MED12L: variants seen among roughly 807,000 people sequenced by gnomAD.
MED12L encodes the protein mediator of RNA polymerase II transcription subunit 12-like protein.
A neutral mutation model predicts 281.3 loss-of-function variants in MED12L; 60 were observed. The ratio of observed to expected loss-of-function variants is 0.21; its 90% CI spans 0.17 to 0.26. The LOEUF (loss-of-function observed/expected upper bound fraction) is 0.26, where lower values mean the gene tolerates loss of function less well. MED12L is among the 10% of genes least tolerant of loss of function. The pLI, the probability that MED12L is intolerant of heterozygous loss-of-function variation, is 1.00. For synonymous variants in MED12L, 974 were observed against 987.2 expected (o/e 0.99, Z 0.25); for missense variants, 2,146 against 2,680.9 (o/e 0.80, Z 4.41).
At chr3:151,166,455 A>G (rs897977318) in intron 11 of MED12L, among the ~76,000 whole-genome samples, 4 of 152,146 alleles carry the variant, frequency 2.6e-5, no homozygotes, top group Non-Finnish European at 4.4e-5. Flanking sequence ...GTGTATGTAT[A>G]TATATGTGTA....
intron 43 of MED12L, among the ~76,000 whole-genome samples, chr3:151,427,220 AC>A (rs1233480996): frequency 6.6e-6 from 1 of 152,226 alleles, no homozygotes; most frequent in Non-Finnish European, 1.5e-5. Context: ...GCTGTAATGT[AC>A]GTGCATGAGA....
intron 16 of MED12L, chr3:151,212,638 A>G (rs1727361380): frequency 6.6e-6 from 1 of 152,160 alleles, no homozygotes; most frequent in South Asian, 2.1e-4. Flanking sequence ...TGTAGAAAAC[A>G]TATTTAGCAT....
At chr3:151,090,363 T>A (rs768025698) in intron 2 of MED12L, among the ~76,000 whole-genome samples, 2 of 152,208 alleles carry the variant, frequency 1.3e-5, no homozygotes, top group African/African-American at 4.8e-5. Context: ...ACTACTGTCA[T>A]GCCTGCCCCT....
chr3:151,117,312 A>C (rs1316433710), intron 3 of MED12L, among the ~76,000 whole-genome samples: 1 of 152,008 alleles, frequency 6.6e-6, no homozygotes, highest in Non-Finnish European at 1.5e-5. Context: ...TCCTTTGAGC[A>C]CTTCTTTACT....
At chr3:151,317,334 TG>T (rs1380538983) in intron 16 of MED12L, among the ~76,000 whole-genome samples, 1 of 151,612 alleles carries the variant, frequency 6.6e-6, no homozygotes, top group African/African-American at 2.4e-5. Flanking sequence ...ATTCAGGGGC[TG>T]GGTTCACTGA....
chr3:151,417,476 T>TA (rs1553817933), intron 43 of MED12L, among the ~76,000 whole-genome samples: 4 of 29,512 alleles, frequency 1.4e-4, no homozygotes, highest in East Asian at 1.3e-3. Context: ...CTCCCCCAGC[T>TA]CCCCCCCCGC....
At chr3:151,413,410 T>A (rs1717178168) in intron 42 of MED12L, 115 bp downstream of exon 42, 1 of 1,265,640 alleles carries the variant, frequency 7.9e-7, no homozygotes, top group Non-Finnish European at 1.1e-6. Context: ...CAAGGATCCC[T>A]GTGGATTTGA....
intron 23 of MED12L, among the ~76,000 whole-genome samples, chr3:151,367,262 C>G (rs995931082): frequency 2.0e-5 from 3 of 152,146 alleles, no homozygotes; most frequent in African/African-American, 7.2e-5. Flanking sequence ...CTAGGGGGAG[C>G]CTCCTGGTTT....
intron 17 of MED12L, among the ~76,000 whole-genome samples, chr3:151,351,744 A>G (rs956444191): frequency 2.0e-5 from 3 of 152,148 alleles, no homozygotes; most frequent in Non-Finnish European, 4.4e-5. Flanking sequence ...TTATTTTTAG[A>G]GGGTCTTTCC....
intron 16 of MED12L, among the ~76,000 whole-genome samples, chr3:151,194,981 G>A (rs1724454382): frequency 6.6e-6 from 1 of 152,112 alleles, no homozygotes; most frequent in Non-Finnish European, 1.5e-5. Flanking sequence ...TGGCTAACAT[G>A]GTGAAACCCC....
chr3:151,340,549 G>C (rs1390166855), intron 16 of MED12L: 3 of 152,586 alleles, frequency 2.0e-5, no homozygotes, highest in Admixed American at 1.3e-4. Context: ...ACACATATCA[G>C]AGTGTAAATA....
chr3:151,103,808 T>C (rs754612606), intron 2 of MED12L, among the ~76,000 whole-genome samples: 12 of 152,150 alleles, frequency 7.9e-5, no homozygotes, highest in Non-Finnish European at 2.9e-5. Context: ...TCCTCAAAGA[T>C]TTCACTGTCT....
At chr3:151,334,017 C>T (rs1560040663) in intron 16 of MED12L, among the ~76,000 whole-genome samples, 1 of 151,834 alleles carries the variant, frequency 6.6e-6, no homozygotes, top group Non-Finnish European at 1.5e-5. Flanking sequence ...GCGGAGGTTG[C>T]AGTGAGCTGA....
intron 5 of MED12L, among the ~76,000 whole-genome samples, chr3:151,139,247 G>T (rs983167452): frequency 6.6e-6 from 1 of 152,016 alleles, no homozygotes; most frequent in Non-Finnish European, 1.5e-5. Flanking sequence ...TGCATTCCAT[G>T]TTCATTGTGT....
intron 11 of MED12L, among the ~76,000 whole-genome samples, chr3:151,179,417 A>G (rs1373674127): frequency 2.6e-5 from 4 of 152,202 alleles, no homozygotes; most frequent in African/African-American, 9.6e-5. Flanking sequence ...GGCATCTGAA[A>G]TGTTTTACAG....
At chr3:151,248,198 G>T (rs1215877951) in intron 16 of MED12L, among the ~76,000 whole-genome samples, 1 of 151,552 alleles carries the variant, frequency 6.6e-6, no homozygotes, top group Non-Finnish European at 1.5e-5. Context: ...GAAGAACCAA[G>T]GAAAGGAAAA....
At chr3:151,213,878 T>A (rs1727643864) in intron 16 of MED12L, 1 of 1,613,562 alleles carries the variant, frequency 6.2e-7, no homozygotes, top group Non-Finnish European at 8.5e-7. Context: ...AGCATGAGCA[T>A]CCATACTATC....
chr3:151,398,250 G>A (rs972459695), intron 39 of MED12L, among the ~76,000 whole-genome samples: 2 of 152,118 alleles, frequency 1.3e-5, no homozygotes, highest in Non-Finnish European at 2.9e-5. Context: ...TGCTACAGTT[G>A]TTTTGGAAAC....
intron 16 of MED12L, among the ~76,000 whole-genome samples, chr3:151,221,091 G>A (rs1229383975): frequency 6.6e-6 from 1 of 152,168 alleles, no homozygotes; most frequent in Non-Finnish European, 1.5e-5. Flanking sequence ...TTCTTGTTAT[G>A]TTTTAGCAAA....
Sources: allele counts gnomAD v4.1 joint callset (sites outside exome capture counted in the v4.1 genomes callset), GRCh38; gene constraint gnomAD v4.1.1; transcripts MANE v1.5; gene names NCBI Gene and HGNC (gene_info 2026-07-23, HGNC 2026-07-21).